LYRM4: variants seen among roughly 807,000 people sequenced by gnomAD.
The protein encoded by LYRM4 is LYR motif containing 4.
In LYRM4, 9 loss-of-function variants were observed where a neutral mutation model predicts 11.7. The observed-to-expected ratio is 0.77, with a 90% CI of 0.46 to 1.34. LYRM4 has a LOEUF of 1.34. Among genes scored for constraint, LYRM4 ranks in the 40% most tolerant of loss-of-function variants. The pLI is 0.00. For synonymous variants in LYRM4, 42 were observed against 40.4 expected (o/e 1.04, Z -0.15); for missense variants, 133 against 112.5 (o/e 1.18, Z -0.82).
chr6:5,226,974 C>G (rs1288407561), intron 1 of LYRM4, among the ~76,000 whole-genome samples: 1 of 152,034 alleles, frequency 6.6e-6, no homozygotes, highest in East Asian at 1.9e-4. Context: ...ACAATTAGAT[C>G]TACGCATATA....
rs9378942 is a variant in LYRM4 at position 5,179,076 on chromosome 6, A to C, written c.207+37542T>G. ...ACAAACCAAAAAAACAAAAAAAAAA[A>C]AAAAAAAAAAAAAGAAAGAAAAGAG... On this transcript the variant is annotated intron_variant, in intron 2 of 2. Transcript: ENST00000330636. Among the ~76,000 whole-genome samples, 166 of 37,608 alleles carry C rather than the reference A, an allele frequency of 4.4e-3. 2 individuals are homozygous for C. The highest frequency in any genetic ancestry group is 0.025 in the South Asian group (17 of 688). 24.7% of individuals were successfully genotyped at this position (37,608 alleles called of 152,430 possible). A position where few individuals can be genotyped will look rare whatever the true frequency, so the allele number is the denominator to read the frequency against.
chr6:5,236,535 T>G (rs1381216071), intron 1 of LYRM4: 1 of 152,134 alleles, frequency 6.6e-6, no homozygotes, highest in Non-Finnish European at 1.5e-5. Context: ...TGGTACATGT[T>G]AAGTGGCTCC....
chr6:5,220,467 C>T (rs1197721282), intron 1 of LYRM4, among the ~76,000 whole-genome samples: 1 of 152,166 alleles, frequency 6.6e-6, no homozygotes, highest in Non-Finnish European at 1.5e-5. Context: ...CTCAAGTATC[C>T]TAGGAACAAT....
At chr6:5,067,420 C>T in the LYRM4 span, among the ~76,000 whole-genome samples, 2 of 152,206 alleles carry the variant, frequency 1.3e-5, no homozygotes, top group East Asian at 3.8e-4. Context: ...AGTCTTAAAT[C>T]CGCTTCCAAG....
the LYRM4 span, among the ~76,000 whole-genome samples, chr6:5,055,143 A>G: frequency 1.3e-5 from 2 of 152,130 alleles, no homozygotes; most frequent in Non-Finnish European, 2.9e-5. This position sits in a 1 kb window ranked among gnomAD's most constrained non-coding sequence, Gnocchi z 4.5. Context: ...CTTTGAATCC[A>G]CCTATGACCT....
the LYRM4 span, among the ~76,000 whole-genome samples, chr6:5,041,289 A>G: frequency 6.6e-6 from 1 of 152,254 alleles, no homozygotes; most frequent in Non-Finnish European, 1.5e-5. Context: ...GATTGCTAAA[A>G]ATAATTCTAG....
chr6:5,174,627 G>A (rs1488187726), intron 2 of LYRM4, among the ~76,000 whole-genome samples: 1 of 152,138 alleles, frequency 6.6e-6, no homozygotes, highest in Non-Finnish European at 1.5e-5. Context: ...TTTAGCTTCA[G>A]ATTTCTTAAA....
intron 2 of LYRM4, among the ~76,000 whole-genome samples, chr6:5,112,724 G>A (rs1031574493): frequency 6.6e-6 from 1 of 152,252 alleles, no homozygotes; most frequent in Non-Finnish European, 1.5e-5. Context: ...CGCAGGACTA[G>A]AGGGATCTAG....
the LYRM4 span, chr6:5,065,936 T>C: frequency 4.5e-6 from 1 of 224,202 alleles, no homozygotes; most frequent in Non-Finnish European, 9.1e-6. Flanking sequence ...TGCATCAATA[T>C]ATCCATTGCA....
At chr6:5,165,785 T>C (rs1759051971) in intron 2 of LYRM4, among the ~76,000 whole-genome samples, 2 of 152,094 alleles carry the variant, frequency 1.3e-5, no homozygotes, top group Admixed American at 6.6e-5. Flanking sequence ...TCAGGTGATC[T>C]ACCTGCCTCG....
chr6:5,136,097 CTGAG>C (rs955145513), intron 2 of LYRM4: 20 of 172,130 alleles, frequency 1.2e-4, no homozygotes, highest in Admixed American at 3.3e-4. Flanking sequence ...CTCTTTAGGG[CTGAG>C]TAACATTCCA....
intron 1 of LYRM4, among the ~76,000 whole-genome samples, chr6:5,236,816 G>A (rs568004428): frequency 3.1e-4 from 47 of 152,068 alleles, no homozygotes; most frequent in African/African-American, 3.1e-4. Context: ...AATTAGCTGG[G>A]TGTGGTGCTG....
chr6:5,228,153 A>G (rs1399231079), intron 1 of LYRM4, among the ~76,000 whole-genome samples: 5 of 152,080 alleles, frequency 3.3e-5, no homozygotes, highest in Admixed American at 2.0e-4. Flanking sequence ...AAACAAAACG[A>G]AAAAACACCA....
chr6:5,144,035 A>G (rs774667825), intron 2 of LYRM4: 3 of 1,358,656 alleles, frequency 2.2e-6, no homozygotes, highest in Non-Finnish European at 2.9e-6. Context: ...CTGACATCAA[A>G]TTGCTTTCCT....
At chr6:5,145,297 C>T (rs1229893557) in intron 2 of LYRM4, among the ~76,000 whole-genome samples, 1 of 152,206 alleles carries the variant, frequency 6.6e-6, no homozygotes, top group African/African-American at 2.4e-5. Context: ...AGTGGAGGAG[C>T]CGGCAGCATC....
chr6:5,235,487 A>C (rs1227960682), intron 1 of LYRM4, among the ~76,000 whole-genome samples: 1 of 152,190 alleles, frequency 6.6e-6, no homozygotes, highest in African/African-American at 2.4e-5. Flanking sequence ...AATTTTGGAC[A>C]ATAGTTTTAT....
intron 1 of LYRM4, among the ~76,000 whole-genome samples, chr6:5,250,330 A>C (rs1200978920): frequency 1.3e-5 from 2 of 152,200 alleles, no homozygotes; most frequent in Admixed American, 1.3e-4. Context: ...TGACACGCAG[A>C]TCTAATAACT....
chr6:5,137,178 G>A (rs1022163433), intron 2 of LYRM4, among the ~76,000 whole-genome samples: 17 of 152,178 alleles, frequency 1.1e-4, no homozygotes, highest in African/African-American at 3.1e-4. Flanking sequence ...ACTTGGTTCC[G>A]TTTTACCACC....
chr6:5,107,414 A>G (rs903874646), downstream of LYRM4: 3 of 152,234 alleles, frequency 2.0e-5, no homozygotes, highest in Non-Finnish European at 4.4e-5. Context: ...AGTATAAATC[A>G]GCAGTGCCGT....
Sources: allele counts gnomAD v4.1 joint callset (sites outside exome capture counted in the v4.1 genomes callset), GRCh38; gene constraint gnomAD v4.1.1; non-coding constraint Gnocchi (gnomAD v3.1); transcripts MANE v1.5; gene names NCBI Gene and HGNC (gene_info 2026-07-23, HGNC 2026-07-21).